Variants in LPP observed in about 807,000 individuals in gnomAD.
The protein encoded by LPP is LIM domain containing preferred translocation partner in lipoma, also known as lipoma-preferred partner.
LPP carries 38 observed loss-of-function variants against 60.4 expected under a neutral mutation model. The observed-to-expected ratio is 0.63, with a 90% confidence interval of 0.49 to 0.83. The LOEUF is 0.83. Ranked by LOEUF, LPP falls within the 40% of genes least tolerant of loss-of-function variation. LPP has a pLI of 0.00. For missense variants in LPP, 902 were observed against 783.6 expected, an observed-to-expected ratio of 1.15 and a Z score of -1.80; for synonymous variants, 328 against 290.8, an observed-to-expected ratio of 1.13 and a Z score of -1.30.
At chr3:188,199,648 T>C (rs772569084) in intron 1 of LPP, among the ~76,000 whole-genome samples, 4 of 152,164 alleles carry the variant, frequency 2.6e-5, no homozygotes, top group Non-Finnish European at 5.9e-5. Context: ...AACTAGTTTG[T>C]GTAACTCTGA....
At chr3:188,687,060 A>G (rs1010066542) in intron 7 of LPP, among the ~76,000 whole-genome samples, 1 of 152,218 alleles carries the variant, frequency 6.6e-6, no homozygotes, top group African/African-American at 2.4e-5. Context: ...CAATATCAAC[A>G]GCTTTGCTGT....
chr3:188,327,201 G>C (rs1758666303), intron 2 of LPP, among the ~76,000 whole-genome samples: 1 of 152,150 alleles, frequency 6.6e-6, no homozygotes, highest in Non-Finnish European at 1.5e-5. Context: ...AGTACTCCTG[G>C]ATACTTTCGC....
In LPP at chr3:188,470,319, C is replaced by CACACACACACACACACACAT. The variant is rs138685539; in HGVS notation, c.194-14273_194-14272insACACACACACACACACACAT. Among the ~76,000 whole-genome samples, 16 of 148,874 alleles carry CACACACACACACACACACAT rather than the reference C, an allele frequency of 1.1e-4. No individual in the cohort carries two copies. In the East Asian group the frequency reaches 1.6e-3, roughly 15 times the overall value. ...ACACACACACACACACACACACACA[C>CACACACACACACACACACAT]GCACACATAAACCACATACACACAC... On this transcript the variant is annotated intron_variant, in intron 4 of 11. Transcript: ENST00000617246.
At chr3:188,808,436 C>T (rs1017872169) in intron 9 of LPP, among the ~76,000 whole-genome samples, 4 of 152,198 alleles carry the variant, frequency 2.6e-5, no homozygotes, top group Middle Eastern at 3.4e-3. Flanking sequence ...TGCCTCTCCC[C>T]GGGACTAAAA....
intron 6 of LPP, among the ~76,000 whole-genome samples, chr3:188,608,543 G>T (rs1326286114): frequency 5.3e-5 from 8 of 151,894 alleles, no homozygotes; most frequent in Non-Finnish European, 1.0e-4. Flanking sequence ...TGTTTTTCAT[G>T]CCAGTACCAT....
chr3:188,498,829 G>A (rs750963950), intron 5 of LPP, among the ~76,000 whole-genome samples: 3 of 152,018 alleles, frequency 2.0e-5, no homozygotes, highest in African/African-American at 4.8e-5. Context: ...TTTTTGTCTC[G>A]ATAATAGCCA....
At chr3:188,603,831 C>G (rs1461957007) in intron 6 of LPP, among the ~76,000 whole-genome samples, 3 of 152,062 alleles carry the variant, frequency 2.0e-5, no homozygotes, top group Non-Finnish European at 4.4e-5. Flanking sequence ...CAACCATCCC[C>G]CTTTTGATAT....
intron 4 of LPP, among the ~76,000 whole-genome samples, chr3:188,439,728 C>G (rs1793298463): frequency 6.6e-6 from 1 of 152,098 alleles, no homozygotes; most frequent in Non-Finnish European, 1.5e-5. Flanking sequence ...TAGTAGATAC[C>G]ATCATAGGCA....
chr3:188,531,304 G>A (rs1341582594), intron 6 of LPP, among the ~76,000 whole-genome samples: 1 of 152,012 alleles, frequency 6.6e-6, no homozygotes, highest in Non-Finnish European at 1.5e-5. Flanking sequence ...AATTTCCTAG[G>A]TGATAGGGGT....
intron 4 of LPP, chr3:188,472,734 T>C (rs1475202554): frequency 6.6e-6 from 1 of 152,184 alleles, no homozygotes; most frequent in Admixed American, 6.5e-5. Context: ...TTGCTGCTGA[T>C]CATCGAGGCA....
At chr3:188,641,620 T>G (rs943431678) in intron 7 of LPP, among the ~76,000 whole-genome samples, 1 of 152,240 alleles carries the variant, frequency 6.6e-6, no homozygotes, top group African/African-American at 2.4e-5. Context: ...TATTATGGCT[T>G]CATTATGTGT....
At chr3:188,649,378 T>C (rs374394448) in intron 7 of LPP, among the ~76,000 whole-genome samples, 32 of 152,350 alleles carry the variant, frequency 2.1e-4, no homozygotes, top group African/African-American at 7.7e-4. Flanking sequence ...CTCCAGTGTT[T>C]GGATGACAGC....
intron 1 of LPP, among the ~76,000 whole-genome samples, chr3:188,160,354 C>T (rs537508978): frequency 2.0e-5 from 3 of 152,150 alleles, no homozygotes; most frequent in Non-Finnish European, 4.4e-5. Flanking sequence ...GCTGGCACGC[C>T]TGGCTAATTT....
At chr3:188,844,276 T>G (rs1760891092) in intron 9 of LPP, among the ~76,000 whole-genome samples, 1 of 152,236 alleles carries the variant, frequency 6.6e-6, no homozygotes, top group African/African-American at 2.4e-5. Context: ...CTGGCCTGCC[T>G]GTATTTCAGC....
chr3:188,170,837 C>T (rs910707766), intron 1 of LPP, among the ~76,000 whole-genome samples: 4 of 152,122 alleles, frequency 2.6e-5, no homozygotes, highest in African/African-American at 9.7e-5. Flanking sequence ...CCTGGAAAGA[C>T]ATCTACTTCA....
chr3:188,255,073 A>G (rs1328284167), intron 2 of LPP, among the ~76,000 whole-genome samples: 1 of 152,234 alleles, frequency 6.6e-6, no homozygotes, highest in East Asian at 1.9e-4. Flanking sequence ...TGTGGAAAGC[A>G]TCTTGGTTGC....
intron 5 of LPP, among the ~76,000 whole-genome samples, chr3:188,491,098 A>G (rs2149749219): frequency 6.6e-6 from 1 of 152,266 alleles, no homozygotes; most frequent in East Asian, 1.9e-4. Flanking sequence ...ATGTAGGACT[A>G]TCATGGTCTC....
At chr3:188,526,559 G>C (rs1049394896) in intron 6 of LPP, among the ~76,000 whole-genome samples, 2 of 152,144 alleles carry the variant, frequency 1.3e-5, no homozygotes, top group Admixed American at 1.3e-4. Flanking sequence ...CCAAAGTACT[G>C]GGATTACAGG....
At chr3:188,483,935 A>G (rs981468502) in intron 4 of LPP, among the ~76,000 whole-genome samples, 1 of 152,186 alleles carries the variant, frequency 6.6e-6, no homozygotes, top group Non-Finnish European at 1.5e-5. Context: ...GATGTGCAAC[A>G]TGTAAAAACC....
Sources: gnomAD v4.1 joint callset for allele counts (sites outside exome capture counted in the v4.1 genomes callset) on GRCh38, gnomAD v4.1.1 for gene constraint, MANE v1.5 for transcripts, NCBI Gene and HGNC (gene_info 2026-07-23, HGNC 2026-07-21) for gene names.